Variants in CDK17 observed in about 807,000 individuals in gnomAD.
CDK17 encodes the protein cyclin dependent kinase 17.
A neutral mutation model predicts 77.6 loss-of-function variants in CDK17; 24 were observed. The ratio of observed to expected loss-of-function variants is 0.31; its 90% confidence interval spans 0.22 to 0.44. The LOEUF (loss-of-function observed/expected upper bound fraction) is 0.44. Among genes scored for constraint, CDK17 ranks in the 20% least tolerant of loss-of-function variants. CDK17 has a pLI of 1.00. For synonymous variants in CDK17, 203 were observed against 210.4 expected, an observed-to-expected ratio of 0.96 and a Z score of 0.30; for missense variants, 429 against 622.5, an observed-to-expected ratio of 0.69 and a Z score of 3.31.
In CDK17 at chr12:96,394,706, T is replaced by C. The variant is rs1356057535; in HGVS notation, c.-30+5280A>G. On this transcript the variant is annotated intron_variant, in intron 1 of 16. Coordinates refer to ENST00000261211, the MANE Select transcript of CDK17 (RefSeq NM_002595.5). The stretch of plus-strand genomic sequence containing the variant: ...AGCTCACACCACCTGTGGTCCCAGC[T>C]ACTCCGGAGGCTGAGGCACGAGAAT... Among the ~76,000 whole-genome samples, 9 of 148,358 alleles carry C rather than the reference T, an allele frequency of 6.1e-5. 1 individual carries two copies. Among genetic ancestry groups the C allele is most frequent in the East Asian group, 4.0e-4 (2 of 5,002 alleles).
At chr12:96,355,013 A>G (rs574454648) in intron 1 of CDK17, among the ~76,000 whole-genome samples, 2 of 152,232 alleles carry the variant, frequency 1.3e-5, no homozygotes, top group East Asian at 3.9e-4. Flanking sequence ...ATCATAAATA[A>G]CATAATCACT....
In CDK17 at chr12:96,399,992, G is replaced by A; in HGVS notation, c.-36C>T. The A allele has an allele frequency of 2.6e-6, 1 of 381,358 alleles. No homozygotes were observed. The highest frequency in any genetic ancestry group is 4.6e-6 in the Non-Finnish European group (1 of 215,334). The allele number at this position is 381,358 out of a possible 1,614,324, so 23.6% of individuals were successfully genotyped here. ...ACGCCAGCCGCCAACTCACCAGCAAGAGCGGGGACCGCGGGTCCCGAGGCG... is the reference window on the plus strand; with the variant it reads ...ACGCCAGCCGCCAACTCACCAGCAAAAGCGGGGACCGCGGGTCCCGAGGCG... On this transcript the variant is annotated 5_prime_UTR_variant, in exon 1 of 17. Transcript: ENST00000261211.
intron 1 of CDK17, among the ~76,000 whole-genome samples, chr12:96,350,870 G>T (rs1953301055): frequency 6.6e-6 from 1 of 152,016 alleles, no homozygotes; most frequent in Non-Finnish European, 1.5e-5. Context: ...AGACATATTG[G>T]ACTTTAAATT....
At chr12:96,377,694 C>CA (rs1565842595) in intron 1 of CDK17, among the ~76,000 whole-genome samples, 76 of 121,422 alleles carry the variant, frequency 6.3e-4, no homozygotes, top group African/African-American at 2.4e-3. Context: ...TTTTTTTTTT[C>CA]GTTTTTTTTT....
intron 1 of CDK17, among the ~76,000 whole-genome samples, chr12:96,335,939 A>G (rs1000426321): frequency 1.3e-5 from 2 of 152,120 alleles, no homozygotes; most frequent in African/African-American, 4.8e-5. Context: ...CCTCTATATT[A>G]AAGTACAGGG....
intron 2 of CDK17, among the ~76,000 whole-genome samples, chr12:96,331,157 A>C (rs1053759797): frequency 6.6e-6 from 1 of 152,116 alleles, no homozygotes; most frequent in African/African-American, 2.4e-5. Flanking sequence ...TGGCCAGGCT[A>C]GTCTAGAACT....
At chr12:96,344,071 G>C (rs539302429) in intron 1 of CDK17, among the ~76,000 whole-genome samples, 3 of 152,106 alleles carry the variant, frequency 2.0e-5, no homozygotes, top group African/African-American at 7.2e-5. Flanking sequence ...AAATTCACTA[G>C]AGTGGTTCAA....
chr12:96,395,355 GT>G (rs1954151661), intron 1 of CDK17, among the ~76,000 whole-genome samples: 1 of 152,134 alleles, frequency 6.6e-6, no homozygotes, highest in African/African-American at 2.4e-5. Flanking sequence ...AGTGCAGACA[GT>G]AACATTGACT....
intron 14 of CDK17, 44 bp downstream of exon 14, chr12:96,283,559 A>G: frequency 1.7e-6 from 2 of 1,204,892 alleles, no homozygotes; most frequent in Non-Finnish European, 1.2e-6. Context: ...GAAGAAGCTG[A>G]GGCTTAACAA....
rs546675149 is a variant in CDK17 at position 96,297,366 on chromosome 12, C to T, written c.811-34G>A. On this transcript the variant is annotated intron_variant, in intron 8 of 16. Transcript: ENST00000261211. ...ACACAGCACTCTGCTATGTGATACA[C>T]CATTTTCAGAATGTTGTGACTGGTT... is the stretch of plus-strand genomic sequence containing the variant. The T allele has an allele frequency of 1.5e-4, 215 of 1,387,670 alleles. 4 individuals are homozygous for T. The South Asian group carries it at 2.4e-3, about 16-fold the overall frequency. 86.0% of individuals were successfully genotyped at this position (1,387,670 alleles called of 1,614,324 possible). A position where few individuals can be genotyped will look rare whatever the true frequency, so the allele number is the denominator to read the frequency against.
Position 96,400,145 on chromosome 12 carries a change from T to G in CDK17, c.-189A>C, listed in dbSNP as rs1351806534. 1 of 394,050 alleles carries G rather than the reference T, an allele frequency of 2.5e-6. No individual in the cohort carries two copies. The highest frequency in any genetic ancestry group is 2.1e-5 in the African/African-American group (1 of 48,342). The allele number at this position is 394,050 out of a possible 1,614,324, so 24.4% of individuals were successfully genotyped here. A position where few individuals can be genotyped will look rare whatever the true frequency, so the allele number is the denominator to read the frequency against. The stretch of plus-strand genomic sequence containing the variant: ...CAGGCCTCCGCCGCCACAGCCGCCT[T>G]CCGGCTCTCGCCGCGGGTCCGGAGC... On this transcript the variant is annotated 5_prime_UTR_variant, in exon 1 of 17. Coordinates refer to ENST00000261211, the MANE Select transcript of CDK17 (RefSeq NM_002595.5).
In CDK17 at chr12:96,295,189, T is replaced by G. The variant is rs1952386959; in HGVS notation, c.874-67A>C. 3.1e-6 allele frequency: 4 copies of G among 1,287,614 alleles called. No individual in the cohort carries two copies. The South Asian group carries it at 4.2e-5, about 14-fold the overall frequency. 79.8% of individuals were successfully genotyped at this position (1,287,614 alleles called of 1,614,324 possible). ...CATGCTTTAGTATAAGCATAAATGA[T>G]GGTAAGCAGAAAAGCAGCTGGCCTA... is the stretch of plus-strand genomic sequence containing the variant. On this transcript the variant is annotated intron_variant, in intron 9 of 16. Coordinates refer to ENST00000261211, the MANE Select transcript of CDK17 (RefSeq NM_002595.5).
At position 96,311,164 on chromosome 12, in the gene CDK17, C is replaced by T. The variant is rs766112032; in HGVS notation, c.431G>A (p.Arg144Gln). 6.5e-6 allele frequency: 10 copies of T among 1,539,850 alleles called. No individual in the cohort carries two copies. The highest frequency in any genetic ancestry group is 8.7e-6 in the Non-Finnish European group (10 of 1,155,794). Residue 144 changes from arginine (R) to glutamine (Q), a missense_variant, in exon 5 of 17, where the codon CGG becomes CAG. Arg to Gln is a conservative substitution (Grantham distance 43). Coordinates refer to ENST00000261211, the MANE Select transcript of CDK17 (RefSeq NM_002595.5). ...RRISMEDLNK[R>Q]LSLPADIRIP... ...TCTGATGTCTGCAGGCAGTGATAAC[C>T]GCTTATTTAAATCCTTAAAAAAAAA... is the stretch of plus-strand genomic sequence containing the variant.
intron 1 of CDK17, among the ~76,000 whole-genome samples, chr12:96,398,897 C>T (rs1954213734): frequency 6.6e-6 from 1 of 152,154 alleles, no homozygotes; most frequent in African/African-American, 2.4e-5. Flanking sequence ...GCGAGAGCCA[C>T]AGATTTCAGC....
intron 1 of CDK17, among the ~76,000 whole-genome samples, chr12:96,360,557 T>A (rs1247391229): frequency 1.3e-5 from 2 of 152,208 alleles, no homozygotes; most frequent in Non-Finnish European, 2.9e-5. Flanking sequence ...GATCCCTCCC[T>A]TCATCAGGTA....
intron 1 of CDK17, among the ~76,000 whole-genome samples, chr12:96,356,918 A>C (rs1953402377): frequency 6.6e-6 from 1 of 152,254 alleles, no homozygotes; most frequent in African/African-American, 2.4e-5. Flanking sequence ...TGTCACTCGG[A>C]ATGTAGATAC....
At chr12:96,321,881 G>A (rs1167236510) in intron 3 of CDK17, among the ~76,000 whole-genome samples, 2 of 144,486 alleles carry the variant, frequency 1.4e-5, no homozygotes, top group Non-Finnish European at 3.0e-5. Flanking sequence ...AGTGGGTGCA[G>A]CGCACCAGCA....
intron 1 of CDK17, among the ~76,000 whole-genome samples, chr12:96,370,801 GTTTT>G (rs1329974659): frequency 1.3e-5 from 2 of 152,072 alleles, no homozygotes; most frequent in African/African-American, 4.8e-5. Flanking sequence ...TTTGAAAATA[GTTTT>G]TTTAAGATTT....
intron 14 of CDK17, 114 bp from the exon 15 acceptor site, chr12:96,282,713 T>G (rs1304162374): frequency 1.5e-6 from 1 of 649,558 alleles, no homozygotes; most frequent in East Asian, 2.7e-5. Context: ...TTATTTAATA[T>G]GATGACTATT....
Sources: gnomAD v4.1 joint callset for allele counts (sites outside exome capture counted in the v4.1 genomes callset) on GRCh38, gnomAD v4.1.1 for gene constraint, MANE v1.5 for transcripts, NCBI Gene and HGNC (gene_info 2026-07-23, HGNC 2026-07-21) for gene names.